Variants in PCDHGA5 observed in about 807,000 individuals in gnomAD.
The protein encoded by PCDHGA5 is protocadherin gamma-A5.
In PCDHGA5, 36 loss-of-function variants were observed where a neutral mutation model predicts 56.7. The observed-to-expected ratio is 0.64, with a 90% CI of 0.49 to 0.84. The LOEUF is 0.84. Ranked by LOEUF, PCDHGA5 falls within the 40% of genes least tolerant of loss-of-function variation. The pLI is 0.00. For synonymous variants in PCDHGA5, 563 were observed against 520.2 expected (o/e 1.08, Z -1.12); for missense variants, 1,305 against 1,201.5 (o/e 1.09, Z -1.27).
chr5:141,392,783 G>T, intron 1 of PCDHGA5: 1 of 1,542,922 alleles, frequency 6.5e-7, no homozygotes, highest in Admixed American at 2.1e-5. Flanking sequence ...GCACAGTGAA[G>T]ATTCTGAGAG....
intron 1 of PCDHGA5, chr5:141,395,033 T>G: frequency 6.2e-7 from 1 of 1,614,140 alleles, no homozygotes; most frequent in Non-Finnish European, 8.5e-7. Context: ...CCTCACATTT[T>G]GTGGGTGTTG....
intron 1 of PCDHGA5, among the ~76,000 whole-genome samples, chr5:141,435,375 A>G (rs80179854): frequency 0.034 from 5,131 of 152,264 alleles, 102 homozygotes; most frequent in Middle Eastern, 0.088. Flanking sequence ...TTAAATATAC[A>G]ATATACCGTA....
chr5:141,504,242 GTTC>G (rs903218038), intron 2 of PCDHGA5, among the ~76,000 whole-genome samples: 25 of 152,170 alleles, frequency 1.6e-4, no homozygotes, highest in African/African-American at 5.1e-4. Context: ...GAAGCAGAGA[GTTC>G]TTCTTATGGT....
At chr5:141,399,434 T>C (rs937697147) in intron 1 of PCDHGA5, 1 of 1,614,008 alleles carries the variant, frequency 6.2e-7, no homozygotes. Flanking sequence ...AGCGTCATCC[T>C]ACATATCAGA....
chr5:141,448,621 T>C (rs2098597629), intron 1 of PCDHGA5, among the ~76,000 whole-genome samples: 1 of 152,168 alleles, frequency 6.6e-6, no homozygotes, highest in Admixed American at 6.5e-5. Flanking sequence ...TATATCTTCC[T>C]TTCTTCACAT....
At chr5:141,387,019 A>G (rs753625930) in intron 1 of PCDHGA5, among the ~76,000 whole-genome samples, 1 of 152,192 alleles carries the variant, frequency 6.6e-6, no homozygotes, top group Non-Finnish European at 1.5e-5. Context: ...TTGAAGATGA[A>G]TGTTGTATTT....
chr5:141,423,053 T>C lies in PCDHGA5; in HGVS notation c.2421+56302T>C, dbSNP rs200154593. 1.4e-4 allele frequency: 219 copies of C among 1,614,170 alleles called. 1 individual carries two copies. The African/African-American group carries it at 2.5e-3, about 18-fold the overall frequency. ...CAGAACGCCTGGCTGTCCTATCGCCTGCTTAAGGCCAGCGAGCCGGGACTC... is the reference window on the plus strand; with the variant it reads ...CAGAACGCCTGGCTGTCCTATCGCCCGCTTAAGGCCAGCGAGCCGGGACTC... On this transcript the variant is annotated intron_variant, in intron 1 of 3. Coordinates refer to ENST00000518069, the MANE Select transcript of PCDHGA5 (RefSeq NM_018918.3).
chr5:141,422,298 T>G, intron 1 of PCDHGA5: 1 of 1,549,054 alleles, frequency 6.5e-7, no homozygotes, highest in Non-Finnish European at 8.7e-7. Flanking sequence ...TTAATTCAAT[T>G]CTGGAAAACT....
At chr5:141,423,440 C>G in intron 1 of PCDHGA5, 1 of 1,613,970 alleles carries the variant, frequency 6.2e-7, no homozygotes, top group South Asian at 1.1e-5. Context: ...GGTATGCCCA[C>G]GTCACATTTT....
chr5:141,400,503 G>T, intron 1 of PCDHGA5: 1 of 1,614,022 alleles, frequency 6.2e-7, no homozygotes, highest in Non-Finnish European at 8.5e-7. Context: ...ATTCCAGCGA[G>T]TCGACTTCCC....
rs138745923 is a variant in PCDHGA5, at chr5:141,420,954, A to C, written c.2421+54203A>C. On this transcript the variant is annotated intron_variant, in intron 1 of 3. Transcript: ENST00000518069. ...GTAATCATTTCTTCTGGAATTTCTTAGTCGTTGCAATAATAAGAATGGGCT... is the reference window on the plus strand; with the variant it reads ...GTAATCATTTCTTCTGGAATTTCTTCGTCGTTGCAATAATAAGAATGGGCT... 3.9e-3 allele frequency: 1,621 copies of C among 412,482 alleles called. 10 individuals are homozygous for C. The highest frequency in any genetic ancestry group is 0.01 in the Admixed American group (249 of 24,550). The allele number at this position is 412,482 out of a possible 1,614,324, so 25.6% of individuals were successfully genotyped here.
chr5:141,398,111 T>C, intron 1 of PCDHGA5: 1 of 1,594,080 alleles, frequency 6.3e-7, no homozygotes, highest in East Asian at 2.2e-5. Context: ...GTGAGCAAGC[T>C]GAGGAGAGCA....
At position 141,393,264 on chromosome 5, in the gene PCDHGA5, C is replaced by G. The variant is rs537186931; in HGVS notation, c.2421+26513C>G. The G allele has an allele frequency of 1.1e-4, 170 of 1,613,916 alleles. 3 individuals carry two copies. The South Asian group carries it at 1.8e-3, about 17-fold the overall frequency. On this transcript the variant is annotated intron_variant, in intron 1 of 3. Coordinates refer to ENST00000518069, the MANE Select transcript of PCDHGA5 (RefSeq NM_018918.3). ...TAACGAAATCGCGGTTCCTGGAGCA[C>G]GTTATCCACTCCCAGAAGCTGTTGA...
At position 141,372,291 on chromosome 5, in the gene PCDHGA5, G is replaced by C. The variant is rs1370699746; in HGVS notation, c.2421+5540G>C. 2.5e-6 allele frequency: 4 copies of C among 1,613,302 alleles called. No individual in the cohort carries two copies. In the Admixed American group the frequency reaches 6.7e-5, roughly 27 times the overall value. On this transcript the variant is annotated intron_variant, in intron 1 of 3. Transcript: ENST00000518069. ...TGAGGTGCGCACGGCGCGTACCTTG[G>C]GCGACAGGGAGGCCGCCCGCCAGCG...
chr5:141,420,028 A>C, intron 1 of PCDHGA5: 2 of 1,614,076 alleles, frequency 1.2e-6, no homozygotes, highest in Non-Finnish European at 1.7e-6. Flanking sequence ...GCCCTACTGC[A>C]GGAGACTGCT....
chr5:141,404,974 C>A, intron 1 of PCDHGA5: 1 of 1,614,022 alleles, frequency 6.2e-7, no homozygotes, highest in South Asian at 1.1e-5. Flanking sequence ...TCCTGGCTGA[C>A]CTGGGCAGTC....
Position 141,365,804 on chromosome 5 carries a change from G to T in PCDHGA5, c.1474G>T (p.Ala492Ser). ...GDNARVTYSL[A>S]EDTFQGAPLS... is the part of the protein sequence containing the mutation. Reference sequence around the variant, plus strand: ...CAACGCTCGAGTCACCTACTCCCTGGCTGAAGACACATTTCAGGGGGCGCC... The same window carrying T: ...CAACGCTCGAGTCACCTACTCCCTGTCTGAAGACACATTTCAGGGGGCGCC... The change falls in exon 1 of 4, where the codon GCT becomes TCT. Residue 492 changes from alanine to serine, a missense_variant. Transcript: ENST00000518069. 1 of 1,613,872 alleles carries T rather than the reference G, an allele frequency of 6.2e-7. No individual in the cohort carries two copies. The highest frequency in any genetic ancestry group is 1.3e-5 in the African/African-American group (1 of 75,030).
At position 141,398,955 on chromosome 5, in the gene PCDHGA5, A is replaced by T. The variant is rs2093730495; in HGVS notation, c.2421+32204A>T. 1.2e-6 allele frequency: 2 copies of T among 1,613,966 alleles called. No homozygotes were observed. Among genetic ancestry groups the T allele is most frequent in the African/African-American group, 1.3e-5 (1 of 75,040 alleles). On this transcript the variant is annotated intron_variant, in intron 1 of 3. Transcript: ENST00000518069. ...ACCAAGACGAGGGCATCAACTCAGA[A>T]ATTACTTATTCCTTCTACAGAACCG...
rs1772581943 is a variant in PCDHGA5, at chr5:141,376,341, A to G, written c.2421+9590A>G. 2 of 1,614,152 alleles carry G rather than the reference A, an allele frequency of 1.2e-6. No individual in the cohort carries two copies. The highest frequency in any genetic ancestry group is 1.7e-6 in the Non-Finnish European group (2 of 1,180,032). Reference sequence around the variant, plus strand: ...GGGGTTCGGGCTTTCCTGCAGACCTATTCCCACGAGGTCTCACTCACTGCA... The same window carrying G: ...GGGGTTCGGGCTTTCCTGCAGACCTGTTCCCACGAGGTCTCACTCACTGCA... On this transcript the variant is annotated intron_variant, in intron 1 of 3. Coordinates refer to ENST00000518069, the MANE Select transcript of PCDHGA5 (RefSeq NM_018918.3).
Sources: gnomAD v4.1 joint callset for allele counts (sites outside exome capture counted in the v4.1 genomes callset) on GRCh38, gnomAD v4.1.1 for gene constraint, MANE v1.5 for transcripts, NCBI Gene and HGNC (gene_info 2026-07-23, HGNC 2026-07-21) for gene names.